The following NPR3 variants were observed in gnomAD, a reference collection of about 807,000 sequenced individuals.
The protein encoded by NPR3 is atrial natriuretic peptide receptor 3.
In NPR3, 34 loss-of-function variants were observed where a neutral mutation model predicts 54.5. The observed-to-expected ratio is 0.62, with a 90% CI of 0.47 to 0.83. NPR3 has a LOEUF of 0.83. Among genes scored for constraint, NPR3 ranks in the 40% least tolerant of loss-of-function variants. NPR3 has a pLI of 0.00. For missense variants in NPR3, 674 were observed against 720.8 expected (o/e 0.94, Z 0.74); for synonymous variants, 289 against 297.1 (o/e 0.97, Z 0.28).
intron 3 of NPR3, among the ~76,000 whole-genome samples, chr5:32,753,246 A>G (rs1740664850): frequency 6.6e-6 from 1 of 152,154 alleles, no homozygotes. Flanking sequence ...AATGGTGACA[A>G]TATACTTAAA....
At chr5:32,733,393 T>A (rs1739567330) in intron 2 of NPR3, among the ~76,000 whole-genome samples, 1 of 152,194 alleles carries the variant, frequency 6.6e-6, no homozygotes, top group African/African-American at 2.4e-5. Flanking sequence ...ATAATATATA[T>A]TGCCCCATAG....
At position 32,789,762 on chromosome 5, in the gene NPR3, G is replaced by C. The variant is rs763663437; in HGVS notation, c.*3417G>C. ...AGTCAACAATGAGATGAAGGCCATT[G>C]CATAGATCTCATGCAGATAGTGATG... On this transcript the variant is annotated 3_prime_UTR_variant, in exon 8 of 8. Coordinates refer to ENST00000265074, the MANE Select transcript of NPR3 (RefSeq NM_001204375.2). 1.9e-6 allele frequency: 1 copy of C among 530,908 alleles called. No homozygotes were observed. Among genetic ancestry groups the C allele is most frequent in the Non-Finnish European group, 3.9e-6 (1 of 258,052 alleles). 32.9% of individuals were successfully genotyped at this position (530,908 alleles called of 1,614,324 possible). A position where few individuals can be genotyped will look rare whatever the true frequency, so the allele number is the denominator to read the frequency against.
At chr5:32,750,656 C>G (rs1740528619) in intron 3 of NPR3, among the ~76,000 whole-genome samples, 2 of 152,048 alleles carry the variant, frequency 1.3e-5, no homozygotes, top group African/African-American at 4.8e-5. Context: ...ATAATCTTAT[C>G]AAAGCAGGGG....
intron 1 of NPR3, among the ~76,000 whole-genome samples, chr5:32,698,112 A>AT (rs1394889045): frequency 6.6e-6 from 1 of 151,122 alleles, no homozygotes; most frequent in Non-Finnish European, 1.5e-5. Context: ...CTTTTTTTTG[A>AT]TGTAGGTGCT....
Position 32,774,849 on chromosome 5 carries a change from G to A in NPR3, c.1195+6G>A. The A allele has an allele frequency of 6.2e-7, 1 of 1,608,996 alleles. No individual in the cohort carries two copies. Among genetic ancestry groups the A allele is most frequent in the Non-Finnish European group, 8.5e-7 (1 of 1,175,448 alleles). On this transcript the variant is annotated splice_donor_region_variant and intron_variant, in intron 4 of 7. Coordinates refer to ENST00000265074, the MANE Select transcript of NPR3 (RefSeq NM_001204375.2). ...TTGGAACAGAACATTTGAAGGTGGGGATTCCATCTATAAGGCAATTACATG... is the reference window on the plus strand; with the variant it reads ...TTGGAACAGAACATTTGAAGGTGGGAATTCCATCTATAAGGCAATTACATG...
At chr5:32,690,889 G>A (rs936083830) in intron 1 of NPR3, among the ~76,000 whole-genome samples, 5 of 152,234 alleles carry the variant, frequency 3.3e-5, no homozygotes, top group African/African-American at 1.2e-4. Flanking sequence ...GCATGGATGA[G>A]AACTGAGATG....
At chr5:32,762,027 G>A (rs1252362834) in intron 3 of NPR3, among the ~76,000 whole-genome samples, 1 of 152,122 alleles carries the variant, frequency 6.6e-6, no homozygotes, top group Non-Finnish European at 1.5e-5. Context: ...CCACTTATGA[G>A]TGAGAACATG....
intron 3 of NPR3, among the ~76,000 whole-genome samples, chr5:32,746,572 C>A (rs1740313322): frequency 6.6e-6 from 1 of 152,140 alleles, no homozygotes; most frequent in Non-Finnish European, 1.5e-5. Context: ...ATGATAAAAA[C>A]CATTAGTTTT....
At chr5:32,747,004 A>T in intron 3 of NPR3, among the ~76,000 whole-genome samples, 1 of 152,214 alleles carries the variant, frequency 6.6e-6, no homozygotes, top group Admixed American at 6.5e-5. Context: ...GATAAATAAT[A>T]CACAACTTTC....
Position 32,789,357 on chromosome 5 carries a change from T to C in NPR3, c.*3012T>C, listed in dbSNP as rs1742789640. The C allele has an allele frequency of 2.2e-6, 1 of 444,768 alleles. No homozygotes were observed. Among genetic ancestry groups the C allele is most frequent in the Non-Finnish European group, 4.5e-6 (1 of 221,216 alleles). The allele number at this position is 444,768 out of a possible 1,614,324, so 27.6% of individuals were successfully genotyped here. On this transcript the variant is annotated 3_prime_UTR_variant, in exon 8 of 8. Transcript: ENST00000265074. ...AGATAACTTCAATCTGGAAAGAATT[T>C]TTTGTATAGAGTCCATCTCTCCCTC... is the stretch of plus-strand genomic sequence containing the variant.
chr5:32,783,163 T>C, intron 6 of NPR3, 135 bp downstream of exon 6: 1 of 732,664 alleles, frequency 1.4e-6, no homozygotes, highest in Non-Finnish European at 2.1e-6. Flanking sequence ...GTAAAACGCA[T>C]GGGAACAGTT....
rs766610811 is a variant in NPR3 at position 32,750,935 on chromosome 5, T to G, written c.1059+11905T>G. On this transcript the variant is annotated intron_variant, in intron 3 of 7. Coordinates refer to ENST00000265074, the MANE Select transcript of NPR3 (RefSeq NM_001204375.2). The stretch of plus-strand genomic sequence containing the variant: ...AACAAAAAGGGTGGTGTCTTGCAGG[T>G]TTGTCATCTTGGTATATGAAGACTG... Among the ~76,000 whole-genome samples, 80 of 152,190 alleles carry G rather than the reference T, an allele frequency of 5.3e-4. 1 individual carries two copies. The highest frequency in any genetic ancestry group is 1.6e-4 in the Non-Finnish European group (11 of 68,024).
chr5:32,729,389 T>C (rs1029956384), intron 2 of NPR3, among the ~76,000 whole-genome samples: 3 of 152,176 alleles, frequency 2.0e-5, no homozygotes, highest in Non-Finnish European at 2.9e-5. Context: ...TGTGGTGTTA[T>C]GTTGTTATGT....
At chr5:32,781,747 C>T (rs184565361) in intron 5 of NPR3, among the ~76,000 whole-genome samples, 2 of 152,118 alleles carry the variant, frequency 1.3e-5, no homozygotes, top group Non-Finnish European at 2.9e-5. Flanking sequence ...TTTCTGGTTC[C>T]CCCTGGGAAA....
chr5:32,710,859 G>GTTTTTTTTTTTTTTTT (rs56022335), upstream of NPR3: 7,186 of 975,276 alleles, frequency 7.4e-3, 192 homozygotes, highest in Admixed American at 0.026. Flanking sequence ...CCCAGTCCTG[G>GTTTTTTTTTTTTTTTT]TTTTTTTTTT....
chr5:32,743,910 A>G (rs1340508538), intron 3 of NPR3, among the ~76,000 whole-genome samples: 2 of 150,666 alleles, frequency 1.3e-5, no homozygotes, highest in Non-Finnish European at 1.5e-5. Context: ...CACTATTCCT[A>G]TGGGTACTAT....
At chr5:32,722,019 C>T (rs749788828) in intron 1 of NPR3, among the ~76,000 whole-genome samples, 3 of 152,104 alleles carry the variant, frequency 2.0e-5, no homozygotes, top group Admixed American at 6.5e-5. Context: ...TACCAAAGGC[C>T]CCATCTCCAA....
At chr5:32,696,849 A>C (rs1341217045) in intron 1 of NPR3, among the ~76,000 whole-genome samples, 1 of 152,140 alleles carries the variant, frequency 6.6e-6, no homozygotes, top group Non-Finnish European at 1.5e-5. Flanking sequence ...TTGATTTTGT[A>C]TCTTGTAACT....
In NPR3 at chr5:32,712,004, C is replaced by A. The variant is rs775373398; in HGVS notation, c.228C>A (p.Ile76=). The part of the protein sequence containing the change: ...LFSLTRVRPA[I]EYALRSVEGN... ...CACTCACCCGGGTGCGGCCGGCCATCGAGTATGCTCTGCGCAGCGTGGAGG... is the reference window on the plus strand; with the variant it reads ...CACTCACCCGGGTGCGGCCGGCCATAGAGTATGCTCTGCGCAGCGTGGAGG... Residue 76 remains isoleucine, a synonymous_variant, in exon 1 of 8, where the codon ATC becomes ATA. Coordinates refer to ENST00000265074, the MANE Select transcript of NPR3 (RefSeq NM_001204375.2). The A allele has an allele frequency of 1.6e-5, 26 of 1,612,624 alleles. No homozygotes were observed. Among genetic ancestry groups the A allele is most frequent in the South Asian group, 2.2e-5 (2 of 91,010 alleles).
Sources: gnomAD v4.1 joint callset for allele counts (sites outside exome capture counted in the v4.1 genomes callset) on GRCh38, gnomAD v4.1.1 for gene constraint, MANE v1.5 for transcripts, NCBI Gene and HGNC (gene_info 2026-07-23, HGNC 2026-07-21) for gene names.